Variants in PDE4D observed in about 807,000 individuals in gnomAD.
PDE4D encodes 3',5'-cyclic-AMP phosphodiesterase 4D.
PDE4D carries 24 observed loss-of-function variants against 87.4 expected under a neutral mutation model. That is an observed-to-expected ratio of 0.27 (90% CI 0.20 to 0.39). The LOEUF is 0.39. Ranked by LOEUF, PDE4D falls within the 10% of genes least tolerant of loss-of-function variation. The pLI, the probability that PDE4D is intolerant of heterozygous loss-of-function variation, is 1.00. For synonymous variants in PDE4D, 384 were observed against 383.2 expected (o/e 1.00, Z -0.02); for missense variants, 714 against 1,041.0 (o/e 0.69, Z 4.32).
rs4700323 is a variant in PDE4D, at chr5:59,176,910, A to G, written c.808+3685T>C. Among the ~76,000 whole-genome samples the G allele has an allele frequency of 1.3e-3, 204 of 152,302 alleles. 2 individuals are homozygous for G. Among genetic ancestry groups the G allele is most frequent in the Admixed American group, 0.011 (165 of 15,298 alleles). Reference sequence around the variant, plus strand: ...AGTGCTGGGAGCAGGAGGAGACCCCATTTTGATGGGCACAAAGCAAGCGCA... The same window carrying G: ...AGTGCTGGGAGCAGGAGGAGACCCCGTTTTGATGGGCACAAAGCAAGCGCA... On this transcript the variant is annotated intron_variant, in intron 5 of 14. Transcript: ENST00000340635.
intron 2 of PDE4D, among the ~76,000 whole-genome samples, chr5:59,999,539 A>C (rs972581645): frequency 3.1e-5 from 4 of 130,650 alleles, no homozygotes; most frequent in African/African-American, 1.2e-4. Context: ...AAAAAAAAAA[A>C]AACAAAACAA....
chr5:59,258,383 T>C (rs553466646), intron 1 of PDE4D, among the ~76,000 whole-genome samples: 4 of 152,068 alleles, frequency 2.6e-5, no homozygotes, highest in South Asian at 4.1e-4. Context: ...TTTAGTGAAT[T>C]TGTTTTGCTT....
At chr5:60,206,981 G>T (rs1236596662) in intron 1 of PDE4D, among the ~76,000 whole-genome samples, 1 of 152,110 alleles carries the variant, frequency 6.6e-6, no homozygotes, top group East Asian at 1.9e-4. Flanking sequence ...ATTAAGAAAA[G>T]AAAAATGAGA....
At chr5:60,356,001 G>T (rs985087810) in intron 1 of PDE4D, among the ~76,000 whole-genome samples, 10 of 152,022 alleles carry the variant, frequency 6.6e-5, no homozygotes, top group Non-Finnish European at 1.3e-4. Flanking sequence ...CATCTAGTCT[G>T]GTTCTCAATT....
At chr5:60,348,267 T>C (rs1163008623) in intron 1 of PDE4D, among the ~76,000 whole-genome samples, 1 of 152,158 alleles carries the variant, frequency 6.6e-6, no homozygotes, top group Non-Finnish European at 1.5e-5. Flanking sequence ...AATGATTCTA[T>C]GATTCCTTCT....
chr5:60,108,272 G>A (rs918809464), intron 2 of PDE4D, among the ~76,000 whole-genome samples: 35 of 151,566 alleles, frequency 2.3e-4, no homozygotes, highest in Non-Finnish European at 4.4e-4. Flanking sequence ...GCTTCAAAGA[G>A]AATAAAATAC....
At chr5:60,305,278 T>C (rs1297178743) in intron 1 of PDE4D, among the ~76,000 whole-genome samples, 1 of 151,484 alleles carries the variant, frequency 6.6e-6, no homozygotes, top group African/African-American at 2.4e-5. Context: ...GTGGGTAAAA[T>C]GAAAAGGGAG....
intron 8 of PDE4D, among the ~76,000 whole-genome samples, chr5:58,991,289 AAAAC>A (rs199817867): frequency 0.07 from 6,411 of 92,008 alleles, 174 homozygotes; most frequent in Admixed American, 0.13. Flanking sequence ...ACTATGTCTC[AAAAC>A]AAACAAAACA....
At chr5:60,103,730 TTCTA>T (rs1216966767) in intron 2 of PDE4D, among the ~76,000 whole-genome samples, 2 of 152,164 alleles carry the variant, frequency 1.3e-5, no homozygotes, top group East Asian at 1.9e-4. Flanking sequence ...GAGTAAATCA[TTCTA>T]TCTGTCACTC....
At chr5:60,030,589 C>A (rs1767141101) in intron 2 of PDE4D, among the ~76,000 whole-genome samples, 2 of 152,220 alleles carry the variant, frequency 1.3e-5, no homozygotes, top group South Asian at 4.1e-4. Context: ...TCGTCACATT[C>A]TGAAGTCAGC....
intron 6 of PDE4D, among the ~76,000 whole-genome samples, chr5:59,008,697 C>T (rs1433904361): frequency 6.6e-6 from 1 of 151,842 alleles, no homozygotes; most frequent in Admixed American, 6.6e-5. Context: ...TCTTAAACCA[C>T]AAAAGCATGA....
chr5:59,914,586 G>C (rs889253739), intron 3 of PDE4D, among the ~76,000 whole-genome samples: 3 of 150,388 alleles, frequency 2.0e-5, no homozygotes, highest in African/African-American at 7.3e-5. Flanking sequence ...GTGTGTGTGT[G>C]TGTGTGTTTG....
At chr5:60,449,071 G>GCGCACA (rs1554037892) in intron 1 of PDE4D, among the ~76,000 whole-genome samples, 4 of 95,062 alleles carry the variant, frequency 4.2e-5, no homozygotes, top group Admixed American at 1.4e-4. Context: ...AACTGCCCGC[G>GCGCACA]CACACACACA....
At chr5:59,877,479 T>TAAAAAAA (rs70975344) in intron 1 of PDE4D, among the ~76,000 whole-genome samples, 2 of 102,388 alleles carry the variant, frequency 2.0e-5, no homozygotes, top group Non-Finnish European at 2.1e-5. Flanking sequence ...TGCCAGAACC[T>TAAAAAAA]AAAAAAAAAA....
At chr5:59,490,532 T>C (rs1355915734) in intron 1 of PDE4D, among the ~76,000 whole-genome samples, 1 of 152,142 alleles carries the variant, frequency 6.6e-6, no homozygotes, top group Non-Finnish European at 1.5e-5. Flanking sequence ...GTTTCTGAAC[T>C]TAAAAATAAT....
At chr5:60,397,491 A>T (rs947547191) in intron 1 of PDE4D, among the ~76,000 whole-genome samples, 1 of 152,264 alleles carries the variant, frequency 6.6e-6, no homozygotes, top group Non-Finnish European at 1.5e-5. Context: ...GTGCAACAAC[A>T]TTACTGAATC....
intron 5 of PDE4D, among the ~76,000 whole-genome samples, chr5:59,116,147 C>T (rs764596348): frequency 1.3e-5 from 2 of 152,050 alleles, no homozygotes; most frequent in Non-Finnish European, 2.9e-5. Flanking sequence ...TCATTAGCAA[C>T]CTGTTTTCAG....
intron 3 of PDE4D, among the ~76,000 whole-genome samples, chr5:59,941,922 C>T (rs2963816): frequency 0.031 from 4,712 of 152,248 alleles, 210 homozygotes; most frequent in African/African-American, 0.097. Context: ...ACTGTATTCA[C>T]CAGAGCTTAG....
chr5:59,875,358 G>A lies in PDE4D; in HGVS notation c.455+17810C>T, dbSNP rs964813960. Among the ~76,000 whole-genome samples, 11 of 150,768 alleles carry A rather than the reference G, an allele frequency of 7.3e-5. No individual in the cohort carries two copies. In the South Asian group the frequency reaches 2.3e-3, roughly 32 times the overall value. The stretch of plus-strand genomic sequence containing the variant: ...CGCCTGTAGTCCCAGCTACTCGGGA[G>A]GCTGAGGCAGGAGAATCTCTTGAAC... On this transcript the variant is annotated intron_variant, in intron 1 of 14. Transcript: ENST00000340635.
Sources: allele counts gnomAD v4.1 joint callset (sites outside exome capture counted in the v4.1 genomes callset), GRCh38; gene constraint gnomAD v4.1.1; transcripts MANE v1.5; gene names NCBI Gene and HGNC (gene_info 2026-07-23, HGNC 2026-07-21).